The following TESC variants were observed in gnomAD, a reference collection of about 807,000 sequenced individuals.
TESC encodes the protein tescalcin, also known as calcineurin B homologous protein 3.
Under a neutral mutation model 31.0 loss-of-function variants are expected in TESC, and 19 were observed. The observed-to-expected ratio is 0.61, with a 90% confidence interval of 0.43 to 0.90. TESC has a LOEUF of 0.90. Among genes scored for constraint, TESC ranks in the 40% least tolerant of loss-of-function variants. TESC has a pLI of 0.00. For missense variants in TESC, 248 were observed against 303.8 expected, an observed-to-expected ratio of 0.82 and a Z score of 1.36; for synonymous variants, 109 against 114.8, an observed-to-expected ratio of 0.95 and a Z score of 0.32.
intron 1 of TESC, among the ~76,000 whole-genome samples, chr12:117,079,398 C>T (rs1955115759): frequency 6.6e-6 from 1 of 151,928 alleles, no homozygotes; most frequent in South Asian, 2.1e-4. Flanking sequence ...CCCATCTCTA[C>T]TAAAAATAAA....
intron 2 of TESC, among the ~76,000 whole-genome samples, chr12:117,065,463 C>T (rs1270970848): frequency 6.6e-6 from 1 of 152,066 alleles, no homozygotes; most frequent in African/African-American, 2.4e-5. Flanking sequence ...GAACGGGGGA[C>T]CTCTGGGAGG....
intron 2 of TESC, among the ~76,000 whole-genome samples, chr12:117,061,916 GGGGATCATAGGAA>G (rs1298075221): frequency 6.6e-6 from 1 of 152,132 alleles, no homozygotes; most frequent in African/African-American, 2.4e-5. Flanking sequence ...TATGTAAAAT[GGGGATCATAGGAA>G]TATCCAGGTA....
intron 2 of TESC, among the ~76,000 whole-genome samples, chr12:117,062,470 C>G (rs999392650): frequency 3.3e-5 from 5 of 152,214 alleles, no homozygotes. Context: ...GATCTGCCCT[C>G]CTCAGCCTCC....
chr12:117,039,552 C>A (rs1289341201), intron 7 of TESC, among the ~76,000 whole-genome samples: 1 of 137,680 alleles, frequency 7.3e-6, no homozygotes. Flanking sequence ...AATTACATAA[C>A]CCCATTAAGT....
At chr12:117,075,923 G>GTGTGTA (rs1280720061) in intron 1 of TESC, among the ~76,000 whole-genome samples, 7 of 68,678 alleles carry the variant, frequency 1.0e-4, no homozygotes, top group Admixed American at 1.6e-4. Context: ...ATGTGTGTGT[G>GTGTGTA]TATATATATA....
chr12:117,081,066 G>C (rs1955141091), intron 1 of TESC, among the ~76,000 whole-genome samples: 1 of 152,134 alleles, frequency 6.6e-6, no homozygotes, highest in African/African-American at 2.4e-5. Flanking sequence ...CCAGTCCATG[G>C]GGCTGGTGGG....
chr12:117,065,408 A>C (rs2135772490), intron 2 of TESC, among the ~76,000 whole-genome samples: 1 of 152,308 alleles, frequency 6.6e-6, no homozygotes, highest in South Asian at 2.1e-4. Flanking sequence ...GAGGAATCAA[A>C]GGTGACCACT....
intron 1 of TESC, among the ~76,000 whole-genome samples, chr12:117,089,411 C>T (rs1486808214): frequency 6.6e-6 from 1 of 152,024 alleles, no homozygotes; most frequent in East Asian, 1.9e-4. Context: ...AATCAAAAAA[C>T]CAAACCATAC....
At position 117,075,929 on chromosome 12, in the gene TESC, A is replaced by ATATATGTATG. The variant is rs1565971727; in HGVS notation, c.59-590_59-589insCATACATATA. On this transcript the variant is annotated intron_variant, in intron 1 of 7. Transcript: ENST00000335209. ...TATATATATATGTGTGTGTGTATAT[A>ATATATGTATG]TATATATATATGTATATATACATAT... Among the ~76,000 whole-genome samples, 31 of 105,600 alleles carry ATATATGTATG rather than the reference A, an allele frequency of 2.9e-4. 1 individual carries two copies. The highest frequency in any genetic ancestry group is 1.3e-3 in the African/African-American group (29 of 22,362). 69.3% of individuals were successfully genotyped at this position (105,600 alleles called of 152,430 possible).
intron 2 of TESC, among the ~76,000 whole-genome samples, chr12:117,073,283 C>A (rs1204459419): frequency 6.6e-6 from 1 of 152,184 alleles, no homozygotes; most frequent in Admixed American, 6.5e-5. Flanking sequence ...CAGACTCAGG[C>A]CCGTGACCCC....
At chr12:117,090,471 G>A (rs1001159631) in intron 1 of TESC, among the ~76,000 whole-genome samples, 3 of 152,228 alleles carry the variant, frequency 2.0e-5, no homozygotes, top group Non-Finnish European at 2.9e-5. Flanking sequence ...ATTAGTAACT[G>A]CCAGTAACTC....
intron 1 of TESC, among the ~76,000 whole-genome samples, chr12:117,075,893 A>ATGTG (rs1265142816): frequency 0.13 from 10,262 of 81,966 alleles, 1,125 homozygotes; most frequent in Non-Finnish European, 0.16. Flanking sequence ...ATATATATAT[A>ATGTG]TATATATATA....
chr12:117,094,716 A>C (rs371892733), intron 1 of TESC, among the ~76,000 whole-genome samples: 9 of 152,136 alleles, frequency 5.9e-5, no homozygotes, highest in African/African-American at 1.9e-4. Flanking sequence ...CATTCGTTTC[A>C]TAAAGAGACA....
At position 117,067,234 on chromosome 12, in the gene TESC, G is replaced by C. The variant is rs543977614; in HGVS notation, c.128+8037C>G. On this transcript the variant is annotated intron_variant, in intron 2 of 7. Transcript: ENST00000335209. ...GAAACAGCCTGCTGAGCTAGGTAGG[G>C]CCTCAGCAACTTCCTTATGAGTATA... Among the ~76,000 whole-genome samples, 3 of 152,154 alleles carry C rather than the reference G, an allele frequency of 2.0e-5. No individual in the cohort carries two copies. In the South Asian group the frequency reaches 6.2e-4, roughly 32 times the overall value.
At chr12:117,045,462 C>T (rs1050801922) in intron 6 of TESC, among the ~76,000 whole-genome samples, 3 of 152,240 alleles carry the variant, frequency 2.0e-5, no homozygotes, top group Admixed American at 1.3e-4. Context: ...GACAACCCGG[C>T]GGGGGATCCC....
intron 2 of TESC, among the ~76,000 whole-genome samples, chr12:117,073,630 G>T (rs546162018): frequency 3.6e-4 from 55 of 152,294 alleles, no homozygotes; most frequent in Admixed American, 3.9e-4. Context: ...GTATTAGAAG[G>T]TTTGTTTCAA....
chr12:117,049,327 G>A (rs1003361456), intron 3 of TESC, among the ~76,000 whole-genome samples, 169 bp from the exon 4 acceptor site: 1 of 152,234 alleles, frequency 6.6e-6, no homozygotes, highest in Non-Finnish European at 1.5e-5. Flanking sequence ...GGGGCTGCAG[G>A]CTCCGGAAGC....
intron 2 of TESC, among the ~76,000 whole-genome samples, chr12:117,074,490 G>A (rs1320640925): frequency 2.0e-5 from 3 of 152,212 alleles, no homozygotes; most frequent in Non-Finnish European, 4.4e-5. Context: ...GCAGAAGGTT[G>A]ATTTTCCTTA....
At chr12:117,072,083 G>A (rs1045545551) in intron 2 of TESC, among the ~76,000 whole-genome samples, 2 of 152,162 alleles carry the variant, frequency 1.3e-5, no homozygotes, top group African/African-American at 4.8e-5. Flanking sequence ...CAATGCATCA[G>A]GGCTCAGCGC....
Sources: gnomAD v4.1 joint callset for allele counts (sites outside exome capture counted in the v4.1 genomes callset) on GRCh38, gnomAD v4.1.1 for gene constraint, MANE v1.5 for transcripts, NCBI Gene and HGNC (gene_info 2026-07-23, HGNC 2026-07-21) for gene names.